The following UTS2B variants were observed in gnomAD, a reference collection of about 807,000 sequenced individuals.
The protein encoded by UTS2B is urotensin 2B, also known as urotensin-2B.
A neutral mutation model predicts 19.2 loss-of-function variants in UTS2B; 21 were observed. The observed-to-expected ratio is 1.09, with a 90% CI of 0.78 to 1.58. UTS2B has a LOEUF of 1.58. Among genes scored for constraint, UTS2B ranks in the 40% most tolerant of loss-of-function variants. UTS2B has a pLI of 0.00. For missense variants in UTS2B, 138 were observed against 130.3 expected (o/e 1.06, Z -0.29); for synonymous variants, 57 against 50.2 (o/e 1.14, Z -0.58).
At chr3:191,321,801 C>A (rs542614655) in intron 2 of UTS2B, among the ~76,000 whole-genome samples, 1 of 152,254 alleles carries the variant, frequency 6.6e-6, no homozygotes, top group Admixed American at 6.5e-5. Context: ...CCAAGGTGGG[C>A]AGATCACCTG....
intron 4 of UTS2B, 136 bp downstream of exon 4, chr3:191,304,356 G>C (rs1332348700): frequency 1.3e-5 from 2 of 152,184 alleles, no homozygotes; most frequent in Admixed American, 1.3e-4. Flanking sequence ...CTTCACTGGG[G>C]CAACTCTGAA....
intron 2 of UTS2B, among the ~76,000 whole-genome samples, chr3:191,317,072 C>T (rs990898647): frequency 6.6e-6 from 1 of 152,226 alleles, no homozygotes; most frequent in African/African-American, 2.4e-5. Flanking sequence ...GGGTGGTGCC[C>T]GTCAGGGAGG....
At position 191,282,168 on chromosome 3, in the gene UTS2B, T is replaced by G. The variant is rs545694586; in HGVS notation, c.22A>C (p.Thr8Pro). Reference protein sequence around the residue: MNKILSSTVCFGLLTLLS... With the variant: MNKILSSPVCFGLLTLLS... ...AAAGTTAGGAGTCCAAAGCAAACAG[T>G]GCTTGAGAGGATCTTGTTCATGTTA... is the stretch of plus-strand genomic sequence containing the variant. The change falls in exon 5 of 9, where the codon ACT (threonine) becomes CCT (proline). Residue 8 changes from threonine (T) to proline (P), a missense_variant. By Grantham distance (38) the Thr-to-Pro change is conservative. Coordinates refer to ENST00000340524, the MANE Select transcript of UTS2B (RefSeq NM_198152.5). 1 of 1,612,794 alleles carries G rather than the reference T, an allele frequency of 6.2e-7. No homozygotes were observed. The highest frequency in any genetic ancestry group is 1.3e-5 in the African/African-American group (1 of 74,954).
intron 6 of UTS2B, among the ~76,000 whole-genome samples, chr3:191,277,866 T>C (rs1320887457): frequency 6.6e-6 from 1 of 151,656 alleles, no homozygotes; most frequent in East Asian, 1.9e-4. Flanking sequence ...ACCCTCAAAT[T>C]GACCAAAATA....
intron 1 of UTS2B, chr3:191,329,608 G>GCCCCGCTCGGCGCCGGCGGTC: frequency 6.5e-7 from 1 of 1,537,996 alleles, no homozygotes; most frequent in Non-Finnish European, 8.8e-7. Flanking sequence ...TGCGCTCGGG[G>GCCCCGCTCGGCGCCGGCGGTC]CCCCGCTCGG....
chr3:191,308,977 T>C (rs1166218659), intron 3 of UTS2B, among the ~76,000 whole-genome samples: 5 of 152,200 alleles, frequency 3.3e-5, no homozygotes, highest in Non-Finnish European at 2.9e-5. Context: ...AACATAGTCA[T>C]GTAAAAGCAC....
intron 1 of UTS2B, among the ~76,000 whole-genome samples, chr3:191,329,999 C>T (rs1203124998): frequency 6.6e-6 from 1 of 151,000 alleles, no homozygotes; most frequent in East Asian, 1.9e-4. Flanking sequence ...CCCGTGTTCT[C>T]GTGCATCGCA....
At chr3:191,328,439 A>T (rs1307533386) in intron 2 of UTS2B, 192 bp downstream of exon 2, 1 of 152,190 alleles carries the variant, frequency 6.6e-6, no homozygotes, top group East Asian at 1.9e-4. Flanking sequence ...TGGCCTCATC[A>T]TCTCCTAGAG....
chr3:191,332,850 A>T (rs891508806), upstream of UTS2B, among the ~76,000 whole-genome samples: 1 of 152,176 alleles, frequency 6.6e-6, no homozygotes, highest in Non-Finnish European at 1.5e-5. Context: ...TAATTTTGCC[A>T]TTTAGCCCTC....
At chr3:191,310,692 A>G (rs977807281) in intron 3 of UTS2B, among the ~76,000 whole-genome samples, 6 of 151,690 alleles carry the variant, frequency 4.0e-5, no homozygotes, top group Non-Finnish European at 1.5e-5. Context: ...AAAATCTCAG[A>G]CCCTTCATAG....
At chr3:191,321,810 T>C (rs1298295577) in intron 2 of UTS2B, among the ~76,000 whole-genome samples, 1 of 152,204 alleles carries the variant, frequency 6.6e-6, no homozygotes, top group Non-Finnish European at 1.5e-5. Flanking sequence ...GCAGATCACC[T>C]GAGGTCAAGA....
intron 4 of UTS2B, 139 bp from the exon 5 acceptor site, chr3:191,282,452 A>C (rs1222221259): frequency 1.5e-5 from 5 of 333,580 alleles, no homozygotes; most frequent in Non-Finnish European, 2.7e-5. Flanking sequence ...AATACATCTC[A>C]TACCCGCCCA....
intron 2 of UTS2B, among the ~76,000 whole-genome samples, chr3:191,325,001 G>C (rs1189345779): frequency 6.6e-6 from 1 of 152,092 alleles, no homozygotes; most frequent in Non-Finnish European, 1.5e-5. Flanking sequence ...AGTGAACCGA[G>C]ATTGTGCCAC....
At chr3:191,323,195 A>AGAGTGCAGTG (rs1266359394) in intron 2 of UTS2B, among the ~76,000 whole-genome samples, 1 of 151,764 alleles carries the variant, frequency 6.6e-6, no homozygotes, top group Non-Finnish European at 1.5e-5. Flanking sequence ...CGCCCAGGCT[A>AGAGTGCAGTG]GAGTGCAGTG....
At chr3:191,327,888 C>A (rs1013864439) in intron 2 of UTS2B, among the ~76,000 whole-genome samples, 1 of 152,092 alleles carries the variant, frequency 6.6e-6, no homozygotes. Context: ...TTTCTAATAC[C>A]ACTTCCTTCT....
chr3:191,313,554 T>G (rs952179328), intron 3 of UTS2B, among the ~76,000 whole-genome samples: 1 of 152,222 alleles, frequency 6.6e-6, no homozygotes, highest in African/African-American at 2.4e-5. Flanking sequence ...TATGCTTTGA[T>G]GTACTCACAC....
At chr3:191,321,864 T>G (rs1717619573) in intron 2 of UTS2B, among the ~76,000 whole-genome samples, 1 of 152,056 alleles carries the variant, frequency 6.6e-6, no homozygotes, top group African/African-American at 2.4e-5. Context: ...CCTCCTCTAC[T>G]AAAAATACAA....
chr3:191,323,460 C>T (rs916798439), intron 2 of UTS2B, among the ~76,000 whole-genome samples: 3 of 152,264 alleles, frequency 2.0e-5, no homozygotes, highest in Admixed American at 6.5e-5. Flanking sequence ...TGAGCTATCG[C>T]GCCTGACCTC....
chr3:191,269,840 T>G (rs529678793), intron 8 of UTS2B, among the ~76,000 whole-genome samples: 1 of 152,328 alleles, frequency 6.6e-6, no homozygotes, highest in East Asian at 1.9e-4. Flanking sequence ...TTTGGAGAAT[T>G]TTTTGGATGT....
Sources: gnomAD v4.1 joint callset for allele counts (sites outside exome capture counted in the v4.1 genomes callset) on GRCh38, gnomAD v4.1.1 for gene constraint, MANE v1.5 for transcripts, NCBI Gene and HGNC (gene_info 2026-07-23, HGNC 2026-07-21) for gene names.